Variants in GRB14 observed in about 807,000 individuals in gnomAD.
GRB14 encodes growth factor receptor bound protein 14.
GRB14 carries 38 observed loss-of-function variants against 69.1 expected under a neutral mutation model. That is an observed-to-expected ratio of 0.55 (90% CI 0.42 to 0.72). The LOEUF is 0.72. GRB14 is among the 30% of genes least tolerant of loss of function. The pLI, the probability that GRB14 is intolerant of heterozygous loss-of-function variation, is 0.00. For synonymous variants in GRB14, 247 were observed against 241.3 expected (o/e 1.02, Z -0.22); for missense variants, 666 against 666.1 (o/e 1.00, Z 0.00).
chr2:164,568,233 T>TA, intron 2 of GRB14: 1 of 775,412 alleles, frequency 1.3e-6, no homozygotes, highest in South Asian at 1.6e-5. Flanking sequence ...TAAAGCTTCC[T>TA]ATGTATTAAT....
At chr2:164,594,457 G>A (rs1689738123) in intron 2 of GRB14, among the ~76,000 whole-genome samples, 2 of 152,194 alleles carry the variant, frequency 1.3e-5, no homozygotes, top group Non-Finnish European at 1.5e-5. Flanking sequence ...TAAAGTGTCT[G>A]TTGATGACTG....
intron 2 of GRB14, among the ~76,000 whole-genome samples, chr2:164,599,718 T>C (rs147544448): frequency 0.017 from 2,651 of 152,302 alleles, 37 homozygotes; most frequent in Middle Eastern, 0.061. Flanking sequence ...AAAAATAGCA[T>C]ATTATGATGT....
chr2:164,510,271 G>A (rs1687306621), intron 6 of GRB14, among the ~76,000 whole-genome samples: 2 of 152,190 alleles, frequency 1.3e-5, no homozygotes, highest in African/African-American at 4.8e-5. Context: ...TAAGAGGTAT[G>A]ATGAGTTTTT....
In GRB14 at chr2:164,577,759, C is replaced by G. The variant is rs141364053; in HGVS notation, c.325-29943G>C. 2.2e-3 allele frequency among the ~76,000 whole-genome samples: 336 copies of G among 152,256 alleles called. 8 individuals carry two copies. The highest frequency in any genetic ancestry group is 6.6e-3 in the African/African-American group (276 of 41,546). On this transcript the variant is annotated intron_variant, in intron 2 of 13. Transcript: ENST00000263915. ...TGTGTTCGTGTGTGCATGCATGCAA[C>G]AGATGCCACTGAAAATCAATAAAGA... is the stretch of plus-strand genomic sequence containing the variant.
intron 2 of GRB14, among the ~76,000 whole-genome samples, chr2:164,587,058 AT>A (rs1005102270): frequency 6.6e-5 from 10 of 152,334 alleles, no homozygotes; most frequent in African/African-American, 1.4e-4. Flanking sequence ...TTTAAAGACA[AT>A]TTTTTAACAT....
chr2:164,618,926 T>C (rs2105365872), intron 2 of GRB14, among the ~76,000 whole-genome samples: 1 of 152,352 alleles, frequency 6.6e-6, no homozygotes, highest in East Asian at 1.9e-4. Flanking sequence ...GAGGCTTCTC[T>C]TTGTTTTGCT....
chr2:164,609,581 A>C (rs1417872338), intron 2 of GRB14, among the ~76,000 whole-genome samples: 1 of 152,200 alleles, frequency 6.6e-6, no homozygotes, highest in African/African-American at 2.4e-5. Context: ...TTATAAATAC[A>C]TATTTATTAT....
chr2:164,618,321 C>T (rs1387309470), intron 2 of GRB14, among the ~76,000 whole-genome samples: 1 of 151,600 alleles, frequency 6.6e-6, no homozygotes, highest in South Asian at 2.1e-4. Context: ...ATCTATTATC[C>T]TTACTTCCAT....
intron 4 of GRB14, 40 bp from the exon 5 acceptor site, chr2:164,525,118 C>G (rs201512452): frequency 7.7e-7 from 1 of 1,295,766 alleles, no homozygotes; most frequent in Non-Finnish European, 1.1e-6. Flanking sequence ...AAAATTCATG[C>G]TAGAAAAGAT....
At chr2:164,619,038 T>C (rs768916871) in intron 2 of GRB14, among the ~76,000 whole-genome samples, 25 of 152,222 alleles carry the variant, frequency 1.6e-4, no homozygotes, top group Non-Finnish European at 2.4e-4. Flanking sequence ...TTTCTGTTAG[T>C]TGCTTGGTCC....
At chr2:164,524,978 T>A (rs560749910) in intron 5 of GRB14, 26 bp downstream of exon 5, 2 of 1,295,938 alleles carry the variant, frequency 1.5e-6, no homozygotes, top group Non-Finnish European at 2.2e-6. Context: ...CTATTATTTA[T>A]ATATGTTAAT....
At chr2:164,596,447 C>T (rs1370551725) in intron 2 of GRB14, among the ~76,000 whole-genome samples, 1 of 152,070 alleles carries the variant, frequency 6.6e-6, no homozygotes, top group Non-Finnish European at 1.5e-5. Flanking sequence ...CATTAAGATG[C>T]CAGCTTTCTC....
intron 8 of GRB14, among the ~76,000 whole-genome samples, chr2:164,506,085 C>T (rs1032068720): frequency 6.6e-6 from 1 of 152,156 alleles, no homozygotes; most frequent in Admixed American, 6.5e-5. Context: ...CCAAAAACCA[C>T]AAGAAATTTT....
intron 2 of GRB14, among the ~76,000 whole-genome samples, chr2:164,552,274 CT>C (rs1688559748): frequency 6.6e-6 from 1 of 152,218 alleles, no homozygotes; most frequent in Non-Finnish European, 1.5e-5. Flanking sequence ...AGAAAAGTCT[CT>C]CTTTATTCAT....
chr2:164,510,632 A>G (rs1271115908), intron 6 of GRB14, among the ~76,000 whole-genome samples: 1 of 152,134 alleles, frequency 6.6e-6, no homozygotes, highest in African/African-American at 2.4e-5. Context: ...TCCTCCCCCA[A>G]GCAGGAACAC....
intron 2 of GRB14, among the ~76,000 whole-genome samples, chr2:164,600,051 T>C (rs777173496): frequency 6.6e-6 from 1 of 152,204 alleles, no homozygotes; most frequent in Non-Finnish European, 1.5e-5. Context: ...CTAAATTAAA[T>C]TGATAATGCA....
At chr2:164,541,076 T>A (rs929947953) in intron 3 of GRB14, among the ~76,000 whole-genome samples, 2 of 152,198 alleles carry the variant, frequency 1.3e-5, no homozygotes, top group Non-Finnish European at 2.9e-5. Flanking sequence ...AATGTTAACA[T>A]TAGTTATCTC....
intron 3 of GRB14, among the ~76,000 whole-genome samples, chr2:164,546,576 C>T (rs986030704): frequency 4.6e-5 from 7 of 152,150 alleles, no homozygotes; most frequent in African/African-American, 7.2e-5. Flanking sequence ...CTTCCATATC[C>T]ACCACGATGC....
chr2:164,504,065 T>C (rs1687129979), intron 8 of GRB14, among the ~76,000 whole-genome samples: 1 of 152,122 alleles, frequency 6.6e-6, no homozygotes. Flanking sequence ...ACATTACATG[T>C]GAGAAAATCT....
Sources: allele counts gnomAD v4.1 joint callset (sites outside exome capture counted in the v4.1 genomes callset), GRCh38; gene constraint gnomAD v4.1.1; transcripts MANE v1.5; gene names NCBI Gene and HGNC (gene_info 2026-07-23, HGNC 2026-07-21).